Variants in SEMA4D observed in about 807,000 individuals in gnomAD.
SEMA4D encodes the protein semaphorin-4D.
SEMA4D carries 22 observed loss-of-function variants against 74.8 expected under a neutral mutation model. The observed-to-expected ratio is 0.29, with a 90% CI of 0.21 to 0.42. The LOEUF (loss-of-function observed/expected upper bound fraction) is 0.42, where lower values mean the gene tolerates loss of function less well. Among genes scored for constraint, SEMA4D ranks in the 10% least tolerant of loss-of-function variants. The pLI is 1.00. For missense variants in SEMA4D, 937 were observed against 1,118.4 expected, an observed-to-expected ratio of 0.84 and a Z score of 2.31; for synonymous variants, 445 against 463.7, an observed-to-expected ratio of 0.96 and a Z score of 0.52.
intron 1 of SEMA4D, among the ~76,000 whole-genome samples, chr9:89,472,916 A>G (rs962087642): frequency 5.9e-5 from 9 of 152,024 alleles, no homozygotes; most frequent in African/African-American, 2.2e-4. Flanking sequence ...CAACATAGTG[A>G]GACCCCATCT....
intron 2 of SEMA4D, among the ~76,000 whole-genome samples, chr9:89,451,882 G>A (rs905043934): frequency 6.6e-6 from 1 of 152,148 alleles, no homozygotes; most frequent in African/African-American, 2.4e-5. Flanking sequence ...AGTGCATCTT[G>A]CCTTCTGTGG....
chr9:89,458,750 C>T (rs1856563013), intron 1 of SEMA4D, among the ~76,000 whole-genome samples: 1 of 152,078 alleles, frequency 6.6e-6, no homozygotes, highest in Admixed American at 6.6e-5. Context: ...TGCACACACA[C>T]ACATATACAT....
intron 18 of SEMA4D, among the ~76,000 whole-genome samples, chr9:89,362,960 T>C (rs1459125038): frequency 6.6e-6 from 1 of 152,186 alleles, no homozygotes; most frequent in East Asian, 1.9e-4. Context: ...TTCCATGCTG[T>C]AGCCCAGTTC....
At chr9:89,363,291 A>G (rs1324728124) in intron 18 of SEMA4D, 3 of 1,300,282 alleles carry the variant, frequency 2.3e-6, no homozygotes, top group South Asian at 1.5e-5. Flanking sequence ...TGCAGATTTC[A>G]TAAAGGAAAC....
At chr9:89,427,268 G>T (rs542507889) in intron 2 of SEMA4D, among the ~76,000 whole-genome samples, 2 of 152,284 alleles carry the variant, frequency 1.3e-5, no homozygotes, top group African/African-American at 2.4e-5. Context: ...AGTCAGAAGA[G>T]GGGGGCAGCC....
chr9:89,381,407 T>A lies in SEMA4D; in HGVS notation c.1447-61A>T, dbSNP rs1837029494. ...CAAGCAGGCATCCAGGAGCATGGCC[T>A]CTGCTTCTGCACCAGTGTGTGGGAA... On this transcript the variant is annotated intron_variant, in intron 13 of 15. Coordinates refer to ENST00000422704, the MANE Select transcript of SEMA4D (RefSeq NM_001371194.2). The surrounding 1 kb of genome is among the most constrained non-coding windows in gnomAD (Gnocchi z 4.6). The A allele has an allele frequency of 7.8e-6, 11 of 1,406,006 alleles. No individual in the cohort carries two copies. Among genetic ancestry groups the A allele is most frequent in the Non-Finnish European group, 1.0e-5 (11 of 1,060,264 alleles). The allele number at this position is 1,406,006 out of a possible 1,614,324, so 87.1% of individuals were successfully genotyped here.
chr9:89,405,222 T>G (rs1311308771), intron 3 of SEMA4D, 129 bp downstream of exon 3: 2 of 596,488 alleles, frequency 3.4e-6, no homozygotes, highest in Non-Finnish European at 5.4e-6. Context: ...CCTGTCCCGT[T>G]CCCAGCCACC....
At chr9:89,391,678 A>C (rs1839909437) in intron 8 of SEMA4D, among the ~76,000 whole-genome samples, 1 of 152,226 alleles carries the variant, frequency 6.6e-6, no homozygotes, top group African/African-American at 2.4e-5. Flanking sequence ...CATCCCACCC[A>C]GGTTCACCCC....
chr9:89,495,324 G>A (rs1291090006), intron 1 of SEMA4D, among the ~76,000 whole-genome samples: 1 of 152,150 alleles, frequency 6.6e-6, no homozygotes, highest in Non-Finnish European at 1.5e-5. Flanking sequence ...TTATCCCAAG[G>A]ATCGCCTTAA....
At chr9:89,371,534 GTGGGGGTGTGTT>G (rs1245996894) in intron 16 of SEMA4D, among the ~76,000 whole-genome samples, 1 of 35,224 alleles carries the variant, frequency 2.8e-5, no homozygotes, top group Non-Finnish European at 6.8e-5. Flanking sequence ...TGGTGTGTGT[GTGGGGGTGTGTT>G]TGGGGTGTGG....
chr9:89,454,626 G>C (rs990063449), intron 2 of SEMA4D, among the ~76,000 whole-genome samples: 111 of 152,332 alleles, frequency 7.3e-4, no homozygotes, highest in African/African-American at 2.6e-3. Context: ...GTCCCTCCTG[G>C]GGCTACCGAG....
chr9:89,473,936 C>A (rs1214005164), intron 1 of SEMA4D, among the ~76,000 whole-genome samples: 1 of 152,168 alleles, frequency 6.6e-6, no homozygotes, highest in African/African-American at 2.4e-5. Flanking sequence ...AGACTCCAGG[C>A]TGGTCAATCA....
chr9:89,485,785 T>A (rs1470218688), intron 1 of SEMA4D, among the ~76,000 whole-genome samples: 1 of 38,510 alleles, frequency 2.6e-5, no homozygotes, highest in Non-Finnish European at 4.5e-5. Context: ...CAAAACTCCA[T>A]CTCAAAAAAA....
intron 2 of SEMA4D, among the ~76,000 whole-genome samples, chr9:89,445,048 G>T (rs1445357958): frequency 1.3e-5 from 2 of 152,126 alleles, no homozygotes; most frequent in Non-Finnish European, 2.9e-5. Context: ...GATCTGGGGT[G>T]ACACCATCAA....
At chr9:89,390,363 T>C (rs1839564876) in intron 9 of SEMA4D, among the ~76,000 whole-genome samples, 2 of 56,048 alleles carry the variant, frequency 3.6e-5, no homozygotes, top group African/African-American at 1.6e-4. Context: ...CAGCCACGGC[T>C]GCGGGGCTGC....
intron 2 of SEMA4D, chr9:89,449,926 G>A (rs1467538856): frequency 1.1e-4 from 159 of 1,458,262 alleles, no homozygotes; most frequent in Non-Finnish European, 1.4e-4. Flanking sequence ...AATGTAGCTC[G>A]TACTTTTCTG....
intron 2 of SEMA4D, among the ~76,000 whole-genome samples, chr9:89,406,844 G>C (rs76581458): frequency 0.018 from 2,720 of 152,030 alleles, 41 homozygotes; most frequent in Non-Finnish European, 0.029. Flanking sequence ...TCCACACCCA[G>C]CCAGACACAG....
At chr9:89,441,817 A>C (rs1468614822) in intron 2 of SEMA4D, among the ~76,000 whole-genome samples, 1 of 152,056 alleles carries the variant, frequency 6.6e-6, no homozygotes, top group African/African-American at 2.4e-5. Flanking sequence ...CACACTGTTA[A>C]ACTTCAGCTT....
At chr9:89,371,031 G>GT (rs1834557404) in intron 16 of SEMA4D, among the ~76,000 whole-genome samples, 1 of 141,938 alleles carries the variant, frequency 7.0e-6, no homozygotes. Context: ...TATCTGGGGT[G>GT]GGGTGTGGTG....
Sources: allele counts gnomAD v4.1 joint callset (sites outside exome capture counted in the v4.1 genomes callset), GRCh38; gene constraint gnomAD v4.1.1; non-coding constraint Gnocchi (gnomAD v3.1); transcripts MANE v1.5; gene names NCBI Gene and HGNC (gene_info 2026-07-23, HGNC 2026-07-21).